RBMS3: variants seen among roughly 807,000 people sequenced by gnomAD.
The protein encoded by RBMS3 is RNA-binding motif, single-stranded-interacting protein 3.
A neutral mutation model predicts 66.8 loss-of-function variants in RBMS3; 27 were observed. That is an observed-to-expected ratio of 0.40 (90% CI 0.30 to 0.56). RBMS3 has a LOEUF of 0.56. Among genes scored for constraint, RBMS3 ranks in the 20% least tolerant of loss-of-function variants. The pLI, the probability that RBMS3 is intolerant of heterozygous loss-of-function variation, is 0.40. For missense variants in RBMS3, 513 were observed against 549.5 expected (o/e 0.93, Z 0.66); for synonymous variants, 188 against 183.0 (o/e 1.03, Z -0.22).
intron 4 of RBMS3, among the ~76,000 whole-genome samples, chr3:29,665,424 A>G (rs2050713384): frequency 6.6e-6 from 1 of 152,260 alleles, no homozygotes; most frequent in Non-Finnish European, 1.5e-5. Flanking sequence ...ATATTCAATT[A>G]GATTTCACCA....
intron 2 of RBMS3, among the ~76,000 whole-genome samples, chr3:29,454,301 G>A (rs917450742): frequency 6.6e-6 from 1 of 152,142 alleles, no homozygotes; most frequent in Non-Finnish European, 1.5e-5. Flanking sequence ...CTCTTCTTTT[G>A]TTGGGGTGGG....
chr3:29,444,262 T>G (rs150740011), intron 2 of RBMS3, among the ~76,000 whole-genome samples: 348 of 152,184 alleles, frequency 2.3e-3, no homozygotes, highest in African/African-American at 7.9e-3. Context: ...CATTTAGATG[T>G]CATGCCAATT....
intron 12 of RBMS3, among the ~76,000 whole-genome samples, chr3:29,986,429 A>G (rs1317117879): frequency 1.3e-5 from 2 of 152,204 alleles, no homozygotes; most frequent in Admixed American, 6.5e-5. Context: ...CAGTTTAATC[A>G]TATGTCAATA....
At chr3:29,821,752 C>A (rs1024326095) in intron 6 of RBMS3, among the ~76,000 whole-genome samples, 17 of 152,108 alleles carry the variant, frequency 1.1e-4, no homozygotes, top group African/African-American at 3.4e-4. Context: ...GGCTAACAAC[C>A]AAGTCTCATT....
chr3:29,566,660 G>C (rs922085840), intron 3 of RBMS3, among the ~76,000 whole-genome samples: 1 of 150,594 alleles, frequency 6.6e-6, no homozygotes, highest in Non-Finnish European at 1.5e-5. Context: ...AAAAATTAGG[G>C]AAAAAGAGTA....
At chr3:29,882,766 C>G (rs974287430) in intron 7 of RBMS3, among the ~76,000 whole-genome samples, 1 of 152,062 alleles carries the variant, frequency 6.6e-6, no homozygotes, top group African/African-American at 2.4e-5. Context: ...AGAAAACCAT[C>G]CTCAACCACA....
intron 4 of RBMS3, among the ~76,000 whole-genome samples, chr3:29,601,588 T>C (rs956123176): frequency 9.9e-5 from 15 of 152,066 alleles, no homozygotes; most frequent in African/African-American, 3.6e-4. Context: ...TGTGTTTGCC[T>C]TAATAAAATA....
chr3:29,807,334 T>C (rs1470120866), intron 6 of RBMS3, among the ~76,000 whole-genome samples: 1 of 151,918 alleles, frequency 6.6e-6, no homozygotes. Context: ...GAAATTCTCA[T>C]ACATTAATAA....
intron 1 of RBMS3, among the ~76,000 whole-genome samples, chr3:29,323,765 A>G (rs1346474201): frequency 6.6e-6 from 1 of 152,052 alleles, no homozygotes; most frequent in South Asian, 2.1e-4. Flanking sequence ...TTAAAAATCA[A>G]TAATTTAGTA....
intron 4 of RBMS3, among the ~76,000 whole-genome samples, chr3:29,702,277 C>T (rs1308825104): frequency 6.6e-6 from 1 of 152,132 alleles, no homozygotes; most frequent in Non-Finnish European, 1.5e-5. Flanking sequence ...TGCTCTGTGT[C>T]TAGCTAATCT....
intron 1 of RBMS3, among the ~76,000 whole-genome samples, chr3:29,296,575 G>C (rs1644321319): frequency 6.6e-6 from 1 of 151,804 alleles, no homozygotes; most frequent in Admixed American, 6.6e-5. Flanking sequence ...CAAATGTTAA[G>C]ATCAGAGCAT....
chr3:29,750,149 C>G (rs7623158), intron 5 of RBMS3, among the ~76,000 whole-genome samples: 71,092 of 151,978 alleles, frequency 0.47, 17,802 homozygotes, highest in African/African-American at 0.65. Context: ...TTGACGTTGA[C>G]TTAGCAATCT....
At chr3:29,804,856 G>A (rs1043334997) in intron 6 of RBMS3, among the ~76,000 whole-genome samples, 1 of 151,436 alleles carries the variant, frequency 6.6e-6, no homozygotes, top group Non-Finnish European at 1.5e-5. Context: ...TGCTTTAAAC[G>A]GTTTAATCAA....
At chr3:29,753,270 AC>A (rs1180277390) in intron 5 of RBMS3, among the ~76,000 whole-genome samples, 1 of 152,148 alleles carries the variant, frequency 6.6e-6, no homozygotes, top group African/African-American at 2.4e-5. Flanking sequence ...GAACGATCCC[AC>A]TTTTACATTG....
At chr3:29,565,706 A>C (rs892117547) in intron 3 of RBMS3, among the ~76,000 whole-genome samples, 1 of 152,188 alleles carries the variant, frequency 6.6e-6, no homozygotes, top group Non-Finnish European at 1.5e-5. Flanking sequence ...ACACCAAAAC[A>C]CTAGATATCC....
At chr3:29,930,114 T>C (rs796070801) in intron 10 of RBMS3, among the ~76,000 whole-genome samples, 32 of 66,612 alleles carry the variant, frequency 4.8e-4, no homozygotes, top group African/African-American at 1.2e-3. Flanking sequence ...TCTTTCTTTT[T>C]TTTTTTTTTT....
At chr3:29,607,853 C>T (rs1290957543) in intron 4 of RBMS3, among the ~76,000 whole-genome samples, 3 of 151,758 alleles carry the variant, frequency 2.0e-5, no homozygotes, top group Non-Finnish European at 4.4e-5. Flanking sequence ...TATTCCTTTA[C>T]AATATTAATT....
intron 4 of RBMS3, among the ~76,000 whole-genome samples, chr3:29,589,801 A>G (rs1255836861): frequency 1.3e-5 from 2 of 152,062 alleles, no homozygotes; most frequent in African/African-American, 4.8e-5. Context: ...TCTTATCAAT[A>G]TCCTACTATG....
chr3:29,318,076 C>G (rs74561668), intron 1 of RBMS3, among the ~76,000 whole-genome samples: 1 of 151,872 alleles, frequency 6.6e-6, no homozygotes, highest in Non-Finnish European at 1.5e-5. Context: ...ATGTTAAACA[C>G]TTTTCTATTG....
Sources: allele counts gnomAD v4.1 joint callset (sites outside exome capture counted in the v4.1 genomes callset), GRCh38; gene constraint gnomAD v4.1.1; transcripts MANE v1.5; gene names NCBI Gene and HGNC (gene_info 2026-07-23, HGNC 2026-07-21).